PELI2: variants seen among roughly 807,000 people sequenced by gnomAD.
The protein encoded by PELI2 is E3 ubiquitin-protein ligase pellino homolog 2.
Under a neutral mutation model 42.3 loss-of-function variants are expected in PELI2, and 23 were observed. The observed-to-expected ratio is 0.54, with a 90% CI of 0.39 to 0.77. The LOEUF (loss-of-function observed/expected upper bound fraction) is 0.77. PELI2 is among the 30% of genes least tolerant of loss of function. The pLI is 0.00. For synonymous variants in PELI2, 245 were observed against 212.2 expected (o/e 1.15, Z -1.34); for missense variants, 463 against 553.2 (o/e 0.84, Z 1.64).
chr14:56,189,241 AG>A, intron 2 of PELI2, among the ~76,000 whole-genome samples: 1 of 152,374 alleles, frequency 6.6e-6, no homozygotes, highest in Middle Eastern at 3.4e-3. Flanking sequence ...AATCTCAGTG[AG>A]TTGACAGCAA....
chr14:56,227,238 T>A (rs1440046842), intron 2 of PELI2, among the ~76,000 whole-genome samples: 1 of 151,938 alleles, frequency 6.6e-6, no homozygotes. Context: ...ATGACTAGGT[T>A]TGGATGGCAG....
chr14:56,221,467 G>A (rs1471497), intron 2 of PELI2, among the ~76,000 whole-genome samples: 60,813 of 152,036 alleles, frequency 0.4, 13,027 homozygotes, highest in South Asian at 0.53. Flanking sequence ...AGGAATAATT[G>A]TTTCATTTTA....
At position 56,296,596 on chromosome 14, in the gene PELI2, G is replaced by T; in HGVS notation, c.697-4G>T. On this transcript the variant is annotated splice_polypyrimidine_tract_variant and splice_region_variant and intron_variant, in intron 5 of 5. Transcript: ENST00000267460. The stretch of plus-strand genomic sequence containing the variant: ...AAAAGGCATGTGTCTCAAACTTGTT[G>T]TAGGTGGAAAGTGAGACCAACGTCC... The T allele has an allele frequency of 6.3e-7, 1 of 1,581,832 alleles. No individual in the cohort carries two copies. Among genetic ancestry groups the T allele is most frequent in the Non-Finnish European group, 8.6e-7 (1 of 1,159,922 alleles).
chr14:56,256,262 C>G (rs1888523850), intron 2 of PELI2, among the ~76,000 whole-genome samples: 1 of 151,808 alleles, frequency 6.6e-6, no homozygotes, highest in Non-Finnish European at 1.5e-5. Context: ...ACCCATCTCT[C>G]CAAAACACAA....
At chr14:56,153,734 T>C (rs1334411854) in intron 1 of PELI2, among the ~76,000 whole-genome samples, 1 of 152,162 alleles carries the variant, frequency 6.6e-6, no homozygotes, top group Non-Finnish European at 1.5e-5. Context: ...GTAAACAGCT[T>C]CCCCAACTGT....
In PELI2 at chr14:56,297,348, A is replaced by G. The variant is rs1890043464; in HGVS notation, c.*182A>G. The G allele has an allele frequency of 1.8e-6, 1 of 571,340 alleles. No homozygotes were observed. Among genetic ancestry groups the G allele is most frequent in the East Asian group, 2.8e-5 (1 of 35,874 alleles). The allele number at this position is 571,340 out of a possible 1,614,324, so 35.4% of individuals were successfully genotyped here. A position where few individuals can be genotyped will look rare whatever the true frequency, so the allele number is the denominator to read the frequency against. On this transcript the variant is annotated 3_prime_UTR_variant, in exon 6 of 6. Coordinates refer to ENST00000267460, the MANE Select transcript of PELI2 (RefSeq NM_021255.3). ...GTAACAGATACCAGTGGTGTGTTGCATGCTCAAAACAGCAGCGTCGTCATT... is the reference window on the plus strand; with the variant it reads ...GTAACAGATACCAGTGGTGTGTTGCGTGCTCAAAACAGCAGCGTCGTCATT...
chr14:56,118,772 G>A (rs1477745234), intron 1 of PELI2, 35 bp downstream of exon 1: 20 of 1,401,468 alleles, frequency 1.4e-5, no homozygotes, highest in East Asian at 3.0e-5. Flanking sequence ...GGGCAGCGGC[G>A]CGGGCGGGGA....
chr14:56,256,762 A>G (rs777508116), intron 2 of PELI2, among the ~76,000 whole-genome samples: 5 of 152,166 alleles, frequency 3.3e-5, no homozygotes, highest in African/African-American at 4.8e-5. Flanking sequence ...ATTTGCAGGT[A>G]GATTTCAGAC....
rs548149328 is a variant in PELI2 at position 56,279,412 on chromosome 14, G to A, written c.208-264G>A. On this transcript the variant is annotated intron_variant, in intron 2 of 5. Coordinates refer to ENST00000267460, the MANE Select transcript of PELI2 (RefSeq NM_021255.3). The stretch of plus-strand genomic sequence containing the variant: ...GTTTTTCTAAGAATGTGATTGAATC[G>A]AGTCTTGCAAACTAGTAAATAAACT... Among the ~76,000 whole-genome samples, 9 of 152,238 alleles carry A rather than the reference G, an allele frequency of 5.9e-5. No individual in the cohort carries two copies. In the South Asian group the frequency reaches 1.7e-3, roughly 28 times the overall value.
chr14:56,220,604 T>C (rs959213237), intron 2 of PELI2, among the ~76,000 whole-genome samples: 5 of 152,106 alleles, frequency 3.3e-5, no homozygotes, highest in Non-Finnish European at 7.4e-5. Flanking sequence ...GTTTGCACTT[T>C]TGGTTTGAAA....
At chr14:56,261,745 C>T (rs1888722146) in intron 2 of PELI2, among the ~76,000 whole-genome samples, 1 of 152,138 alleles carries the variant, frequency 6.6e-6, no homozygotes, top group African/African-American at 2.4e-5. Context: ...AACACTATGC[C>T]TTGAAAAAGC....
At chr14:56,205,022 T>A (rs1270330714) in intron 2 of PELI2, among the ~76,000 whole-genome samples, 2 of 111,716 alleles carry the variant, frequency 1.8e-5, no homozygotes, top group Non-Finnish European at 3.7e-5. Flanking sequence ...AGAGCGAGAC[T>A]CCCTGTCAAA....
chr14:56,207,389 G>T (rs1157756306), intron 2 of PELI2, among the ~76,000 whole-genome samples: 1 of 152,020 alleles, frequency 6.6e-6, no homozygotes, highest in Non-Finnish European at 1.5e-5. Flanking sequence ...CTATGTACCA[G>T]ATACTATGGT....
At chr14:56,220,030 A>G (rs1407756502) in intron 2 of PELI2, among the ~76,000 whole-genome samples, 1 of 152,222 alleles carries the variant, frequency 6.6e-6, no homozygotes, top group Non-Finnish European at 1.5e-5. Context: ...ACAATAAGTT[A>G]ACAACACTGA....
At chr14:56,198,646 G>A (rs1410809869) in intron 2 of PELI2, among the ~76,000 whole-genome samples, 1 of 152,186 alleles carries the variant, frequency 6.6e-6, no homozygotes, top group Non-Finnish European at 1.5e-5. Flanking sequence ...GAGCCCACAT[G>A]TGACAGCTCT....
chr14:56,207,573 T>G (rs1331319168), intron 2 of PELI2, among the ~76,000 whole-genome samples: 3 of 152,174 alleles, frequency 2.0e-5, no homozygotes, highest in African/African-American at 7.2e-5. Context: ...TACATAGAAA[T>G]GAGACTTACA....
chr14:56,146,788 T>C (rs1004041061), intron 1 of PELI2, among the ~76,000 whole-genome samples: 2 of 152,206 alleles, frequency 1.3e-5, no homozygotes. Context: ...GGTCTTCTTT[T>C]TTTTTTTCTT....
chr14:56,257,151 A>G (rs1014362054), intron 2 of PELI2, among the ~76,000 whole-genome samples: 19 of 152,320 alleles, frequency 1.2e-4, no homozygotes, highest in South Asian at 6.2e-4. Context: ...TATATTTTCT[A>G]CTAAGTACCT....
chr14:56,222,127 G>T (rs1013491602), intron 2 of PELI2, among the ~76,000 whole-genome samples: 2 of 149,282 alleles, frequency 1.3e-5, no homozygotes, highest in Non-Finnish European at 3.0e-5. Flanking sequence ...GAAAAAAAGT[G>T]TACTGATAAA....
Sources: allele counts gnomAD v4.1 joint callset (sites outside exome capture counted in the v4.1 genomes callset), GRCh38; gene constraint gnomAD v4.1.1; transcripts MANE v1.5; gene names NCBI Gene and HGNC (gene_info 2026-07-23, HGNC 2026-07-21).